LMLN: variants seen among roughly 807,000 people sequenced by gnomAD.
LMLN encodes the protein leishmanolysin like peptidase.
In LMLN, 70 loss-of-function variants were observed where a neutral mutation model predicts 92.3. That is an observed-to-expected ratio of 0.76 (90% confidence interval 0.63 to 0.92). The LOEUF is 0.92. Among genes scored for constraint, LMLN ranks in the 40% least tolerant of loss-of-function variants. The probability of loss-of-function intolerance (pLI) is 0.00; values close to 1 mark genes in which losing one functional copy is unlikely to be tolerated. For synonymous variants in LMLN, 308 were observed against 296.2 expected (o/e 1.04, Z -0.41); for missense variants, 691 against 814.6 (o/e 0.85, Z 1.85).
chr3:198,037,298 G>A (rs1280292494), intron 15 of LMLN, among the ~76,000 whole-genome samples: 1 of 152,200 alleles, frequency 6.6e-6, no homozygotes. Context: ...AAAGATAGCA[G>A]TTTCAGGCCT....
At chr3:198,036,867 A>C (rs1183821675) in intron 15 of LMLN, among the ~76,000 whole-genome samples, 2 of 152,060 alleles carry the variant, frequency 1.3e-5, no homozygotes, top group African/African-American at 4.8e-5. Flanking sequence ...GCAATGTTTC[A>C]TTTTCTCAAC....
chr3:198,012,554 T>C (rs1722476624), intron 11 of LMLN, among the ~76,000 whole-genome samples: 1 of 152,042 alleles, frequency 6.6e-6, no homozygotes, highest in Admixed American at 6.5e-5. Context: ...CAGAGCCCCC[T>C]AACTAGTCTG....
intron 4 of LMLN, 63 bp downstream of exon 4, chr3:197,976,174 A>G (rs775404694): frequency 2.0e-5 from 19 of 974,132 alleles, no homozygotes; most frequent in Admixed American, 2.3e-5. Context: ...TTCTCGTTCT[A>G]TGAACATGGC....
chr3:197,978,511 C>T (rs1202513255), intron 5 of LMLN, among the ~76,000 whole-genome samples: 1 of 152,012 alleles, frequency 6.6e-6, no homozygotes, highest in Non-Finnish European at 1.5e-5. Flanking sequence ...GTGGTGTGCA[C>T]CTGTGGTCCC....
At chr3:197,988,100 A>T (rs1390843680) in intron 8 of LMLN, among the ~76,000 whole-genome samples, 7 of 151,150 alleles carry the variant, frequency 4.6e-5, no homozygotes, top group Non-Finnish European at 1.0e-4. Context: ...TTCATTTATC[A>T]TGCTTTTGCC....
intron 15 of LMLN, among the ~76,000 whole-genome samples, chr3:198,036,863 T>C (rs1000448842): frequency 1.3e-5 from 2 of 152,192 alleles, no homozygotes; most frequent in Admixed American, 6.5e-5. Flanking sequence ...TTATGCAATG[T>C]TTCATTTTCT....
rs1449468189 is a variant in LMLN at position 198,042,865 on chromosome 3, A to T, written c.*4198A>T. ...GCTTTAAAGAAACTGGCAAACAGGTAGGTTGTCCTCATATAGATCCTTCCA... is the reference window on the plus strand; with the variant it reads ...GCTTTAAAGAAACTGGCAAACAGGTTGGTTGTCCTCATATAGATCCTTCCA... On this transcript the variant is annotated 3_prime_UTR_variant, in exon 16 of 16. Transcript: ENST00000330198. The surrounding 1 kb of genome is among the most constrained non-coding windows in gnomAD (Gnocchi z 4.2). The T allele has an allele frequency of 6.6e-6, 1 of 152,224 alleles. No individual in the cohort carries two copies. Among genetic ancestry groups the T allele is most frequent in the East Asian group, 1.9e-4 (1 of 5,202 alleles). 9.4% of individuals were successfully genotyped at this position (152,224 alleles called of 1,614,324 possible).
intron 14 of LMLN, among the ~76,000 whole-genome samples, chr3:198,030,113 G>A (rs1438129225): frequency 6.6e-6 from 1 of 152,068 alleles, no homozygotes; most frequent in African/African-American, 2.4e-5. Flanking sequence ...CAAAGTGCTG[G>A]GATTACAGGC....
At chr3:198,023,687 T>C (rs1219632377) in intron 13 of LMLN, among the ~76,000 whole-genome samples, 1 of 152,212 alleles carries the variant, frequency 6.6e-6, no homozygotes, top group Non-Finnish European at 1.5e-5. Context: ...AGACAACTTA[T>C]TGTAAAGAGT....
intron 5 of LMLN, 152 bp from the exon 6 acceptor site, chr3:197,980,174 G>C: frequency 1.8e-6 from 1 of 548,090 alleles, no homozygotes; most frequent in Non-Finnish European, 3.2e-6. Context: ...TAGGTATTGA[G>C]TAGACAGGGA....
chr3:197,980,516 T>G lies in LMLN; in HGVS notation c.728+12T>G, dbSNP rs1721526780. Reference sequence around the variant, plus strand: ...GCAAACATGGACAGGTAATCTTTCCTCCGGGACTTAGTTTCCAAGATCTAA... The same window carrying G: ...GCAAACATGGACAGGTAATCTTTCCGCCGGGACTTAGTTTCCAAGATCTAA... On this transcript the variant is annotated intron_variant, in intron 6 of 15. Coordinates refer to ENST00000330198, the Ensembl canonical transcript of LMLN. 1 of 1,605,876 alleles carries G rather than the reference T, an allele frequency of 6.2e-7. No homozygotes were observed. Among genetic ancestry groups the G allele is most frequent in the African/African-American group, 1.3e-5 (1 of 74,544 alleles).
intron 15 of LMLN, among the ~76,000 whole-genome samples, chr3:198,036,857 G>A (rs1473173060): frequency 6.6e-6 from 1 of 152,142 alleles, no homozygotes; most frequent in Non-Finnish European, 1.5e-5. Context: ...AAAATCTTAT[G>A]CAATGTTTCA....
chr3:197,995,778 G>C (rs140141422), intron 9 of LMLN, among the ~76,000 whole-genome samples: 1 of 151,920 alleles, frequency 6.6e-6, no homozygotes, highest in Non-Finnish European at 1.5e-5. Context: ...ATATTAGCTC[G>C]ATATAATTAT....
chr3:198,001,885 T>C (rs1274638142), intron 11 of LMLN, among the ~76,000 whole-genome samples: 1 of 152,086 alleles, frequency 6.6e-6, no homozygotes, highest in African/African-American at 2.4e-5. Flanking sequence ...ACTCCTGAGC[T>C]AAAGTGATCC....
At chr3:198,022,756 C>T (rs968680251) in intron 13 of LMLN, among the ~76,000 whole-genome samples, 21 of 152,104 alleles carry the variant, frequency 1.4e-4, no homozygotes, top group African/African-American at 4.1e-4. Context: ...TGGAGGAGGA[C>T]GAAGCCAGAG....
chr3:198,008,714 A>G (rs1473992428), intron 11 of LMLN, among the ~76,000 whole-genome samples: 2 of 152,220 alleles, frequency 1.3e-5, no homozygotes, highest in African/African-American at 2.4e-5. Context: ...GCATCTCTAC[A>G]TAAATAAATG....
At chr3:197,982,113 G>A (rs1263508458) in intron 6 of LMLN, among the ~76,000 whole-genome samples, 4 of 151,738 alleles carry the variant, frequency 2.6e-5, no homozygotes, top group Non-Finnish European at 5.9e-5. Context: ...GCCTCAGCTC[G>A]TGTTTTGACC....
chr3:197,960,233 G>A lies in LMLN; in HGVS notation c.12G>A (p.Thr4=), dbSNP rs374761145. Residue 4 remains threonine (T), a synonymous_variant, in exon 1 of 16, where the codon ACG becomes ACA. Coordinates refer to ENST00000330198, the Ensembl canonical transcript of LMLN. ...GCGTCACGCACTCCATGGTAACGACGCTCGGCCCGAAGATGGCGGCCGAAT... is the reference window on the plus strand; with the variant it reads ...GCGTCACGCACTCCATGGTAACGACACTCGGCCCGAAGATGGCGGCCGAAT... The A allele has an allele frequency of 3.7e-6, 6 of 1,609,194 alleles. No homozygotes were observed. In the Admixed American group the frequency reaches 5.0e-5, roughly 13 times the overall value.
At chr3:198,038,861 T>G (rs944088234) in exon 16 of LMLN, 7 of 483,686 alleles carry the variant, frequency 1.4e-5, no homozygotes, top group African/African-American at 1.2e-4. Context: ...CCAACCACCT[T>G]CATCAGCAAC....
Sources: allele counts gnomAD v4.1 joint callset (sites outside exome capture counted in the v4.1 genomes callset), GRCh38; gene constraint gnomAD v4.1.1; non-coding constraint Gnocchi (gnomAD v3.1); transcripts MANE v1.5; gene names NCBI Gene and HGNC (gene_info 2026-07-23, HGNC 2026-07-21).